Variants in FAM133B observed in about 807,000 individuals in gnomAD.
FAM133B encodes the protein family with sequence similarity 133 member B, also known as protein FAM133B.
FAM133B carries 25 observed loss-of-function variants against 46.4 expected under a neutral mutation model. That is an observed-to-expected ratio of 0.54 (90% CI 0.39 to 0.75). The LOEUF (loss-of-function observed/expected upper bound fraction) is 0.75, where lower values mean the gene tolerates loss of function less well. Among genes scored for constraint, FAM133B ranks in the 30% least tolerant of loss-of-function variants. FAM133B has a pLI of 0.00. For synonymous variants in FAM133B, 75 were observed against 86.0 expected (o/e 0.87, Z 0.71); for missense variants, 205 against 277.6 (o/e 0.74, Z 1.86).
intron 5 of FAM133B, 29 bp downstream of exon 5, chr7:92,578,121 G>T: frequency 6.3e-7 from 1 of 1,589,400 alleles, no homozygotes; most frequent in East Asian, 2.2e-5. Context: ...TAATTGTAAC[G>T]TTTAGAAAAA....
intron 5 of FAM133B, 44 bp downstream of exon 5, chr7:92,578,106 G>T (rs772888964): frequency 2.0e-5 from 30 of 1,521,922 alleles, no homozygotes; most frequent in Admixed American, 1.8e-4. Flanking sequence ...TTTTTTGTTG[G>T]CTCTTAATTG....
chr7:92,565,781 C>T, intron 10 of FAM133B: 2 of 540,240 alleles, frequency 3.7e-6, no homozygotes, highest in Admixed American at 3.1e-5. Flanking sequence ...ATATTTCTAA[C>T]AGTAAAATAC....
chr7:92,590,111 G>A (rs1189266894), intron 1 of FAM133B, 157 bp downstream of exon 1: 9 of 1,065,666 alleles, frequency 8.4e-6, no homozygotes, highest in Non-Finnish European at 1.2e-5. Flanking sequence ...CGTGCGCGGC[G>A]CACGCGCATC....
rs762782866 is a variant in FAM133B, at chr7:92,577,659, T to A, written c.368A>T (p.Asp123Val). ...DSSSSSSDSE[D>V]EDKKQGKRRK... ...ACCATTATAAGCAAACCTTACCTCA[T>A]CTTCAGAATCAGAAGAACTGCTGGA... Residue 123 changes from aspartate to valine, a missense_variant, in exon 6 of 11, where the codon GAT (aspartate) becomes GTT (valine). Coordinates refer to ENST00000445716, the MANE Select transcript of FAM133B (RefSeq NM_152789.4). The A allele has an allele frequency of 2.4e-5, 38 of 1,580,292 alleles. No individual in the cohort carries two copies. The South Asian group carries it at 2.5e-4, about 10-fold the overall frequency.
intron 2 of FAM133B, 134 bp from the exon 3 acceptor site, chr7:92,579,529 A>G (rs952128342): frequency 3.2e-6 from 2 of 630,044 alleles, no homozygotes; most frequent in East Asian, 3.0e-5. Flanking sequence ...TAACATTTCA[A>G]TTTCTTTGTT....
intron 9 of FAM133B, among the ~76,000 whole-genome samples, chr7:92,568,447 T>C (rs555911448): frequency 1.5e-4 from 23 of 151,790 alleles, no homozygotes; most frequent in Non-Finnish European, 3.1e-4. Context: ...AACCTCCGCC[T>C]CCCGGGTTCA....
At chr7:92,577,611 A>C in intron 6 of FAM133B, 44 bp downstream of exon 6, 3 of 1,472,218 alleles carry the variant, frequency 2.0e-6, no homozygotes, top group Non-Finnish European at 2.7e-6. Flanking sequence ...ACATTAAAGA[A>C]ATTAAGAGAT....
At chr7:92,590,231 C>G (rs1795161957) in intron 1 of FAM133B, 37 bp downstream of exon 1, 19 of 1,613,564 alleles carry the variant, frequency 1.2e-5, no homozygotes, top group Non-Finnish European at 1.6e-5. Flanking sequence ...CCGCCGGGCC[C>G]TGCGTCGCCC....
chr7:92,581,841 G>A (rs1240490232), intron 1 of FAM133B: 1 of 405,662 alleles, frequency 2.5e-6, no homozygotes, highest in East Asian at 4.6e-5. Flanking sequence ...TGTTTTACAA[G>A]AGATTTGATG....
At chr7:92,562,743 T>C (rs564249649) in intron 10 of FAM133B, among the ~76,000 whole-genome samples, 6 of 152,318 alleles carry the variant, frequency 3.9e-5, no homozygotes, top group South Asian at 4.1e-4. Context: ...TAATTGTTTT[T>C]GTAAAATAGT....
In FAM133B at chr7:92,581,489, A is replaced by G; in HGVS notation, c.122+17T>C. ...GTTGATAAAAGCTTATAAATAGGTA[A>G]AGTGTTTCACAAATACCAGGTAGGC... On this transcript the variant is annotated intron_variant, in intron 2 of 10. Coordinates refer to ENST00000445716, the MANE Select transcript of FAM133B (RefSeq NM_152789.4). The G allele has an allele frequency of 6.3e-7, 1 of 1,594,996 alleles. No homozygotes were observed. The highest frequency in any genetic ancestry group is 8.6e-7 in the Non-Finnish European group (1 of 1,163,894).
At position 92,590,059 on chromosome 7, in the gene FAM133B, G is replaced by C; in HGVS notation, c.24+209C>G. ...AGCGACGAGGTGAGGGAAGAAAAAA[G>C]GGGCGGGCAAGAGAGAGCTGGGAAC... On this transcript the variant is annotated intron_variant, in intron 1 of 10. Coordinates refer to ENST00000445716, the MANE Select transcript of FAM133B (RefSeq NM_152789.4). The C allele has an allele frequency of 7.9e-6, 5 of 634,796 alleles. No homozygotes were observed. In the South Asian group the frequency reaches 8.0e-5, roughly 10 times the overall value. 39.3% of individuals were successfully genotyped at this position (634,796 alleles called of 1,614,324 possible). A position where few individuals can be genotyped will look rare whatever the true frequency, so the allele number is the denominator to read the frequency against.
chr7:92,577,311 A>AT, intron 6 of FAM133B, 116 bp from the exon 7 acceptor site: 1 of 656,058 alleles, frequency 1.5e-6, no homozygotes, highest in Non-Finnish European at 2.4e-6. Context: ...CAGTTTCTAT[A>AT]TTTTTTTCTT....
chr7:92,587,120 G>T (rs1229069038), intron 1 of FAM133B, among the ~76,000 whole-genome samples: 1 of 152,072 alleles, frequency 6.6e-6, no homozygotes, highest in Admixed American at 6.6e-5. Flanking sequence ...GTTCAATTTG[G>T]CTGTGAACCT....
chr7:92,585,227 T>C, intron 1 of FAM133B: 1 of 305,888 alleles, frequency 3.3e-6, no homozygotes, highest in Admixed American at 6.5e-5. Flanking sequence ...TCATTTCCTA[T>C]TGCAAATATA....
intron 10 of FAM133B, among the ~76,000 whole-genome samples, 159 bp from the exon 11 acceptor site, chr7:92,562,527 A>C (rs1291650803): frequency 6.6e-6 from 1 of 152,212 alleles, no homozygotes; most frequent in East Asian, 1.9e-4. Flanking sequence ...CCAGTATCAT[A>C]TGAGGACTAA....
At chr7:92,585,954 T>C (rs1478613546) in intron 1 of FAM133B, among the ~76,000 whole-genome samples, 2 of 152,216 alleles carry the variant, frequency 1.3e-5, no homozygotes, top group Admixed American at 1.3e-4. Context: ...TGGCAATTTT[T>C]CATTCTAATG....
rs185982181 is a variant in FAM133B at position 92,585,041 on chromosome 7, T to C, written c.25-3438A>G. Among the ~76,000 whole-genome samples, 292 of 152,316 alleles carry C rather than the reference T, an allele frequency of 1.9e-3. 2 individuals are homozygous for C. Among genetic ancestry groups the C allele is most frequent in the Admixed American group, 5.6e-3 (86 of 15,300 alleles). ...CCTCTGTATATGGTGAACTGCAACC[T>C]GGCTTGATGTGCAAACAAGTTCTAA... On this transcript the variant is annotated intron_variant, in intron 1 of 10. Coordinates refer to ENST00000445716, the MANE Select transcript of FAM133B (RefSeq NM_152789.4).
chr7:92,569,383 A>C (rs147404610), intron 9 of FAM133B, among the ~76,000 whole-genome samples: 2 of 152,322 alleles, frequency 1.3e-5, no homozygotes, highest in East Asian at 3.9e-4. Flanking sequence ...TTTCCTGCCA[A>C]CATTTCTTCT....
Sources: allele counts gnomAD v4.1 joint callset (sites outside exome capture counted in the v4.1 genomes callset), GRCh38; gene constraint gnomAD v4.1.1; transcripts MANE v1.5; gene names NCBI Gene and HGNC (gene_info 2026-07-23, HGNC 2026-07-21).